Variants in RELB observed in about 807,000 individuals in gnomAD.
RELB encodes the protein RELB proto-oncogene, NF-kB subunit.
Under a neutral mutation model 55.4 loss-of-function variants are expected in RELB, and 14 were observed. That is an observed-to-expected ratio of 0.25 (90% CI 0.17 to 0.40). RELB has a LOEUF of 0.40. RELB is among the 10% of genes least tolerant of loss of function. RELB has a pLI of 1.00. For synonymous variants in RELB, 409 were observed against 371.3 expected (o/e 1.10, Z -1.17); for missense variants, 669 against 830.7 (o/e 0.81, Z 2.39).
intron 5 of RELB, among the ~76,000 whole-genome samples, 166 bp downstream of exon 5, chr19:45,022,376 C>T (rs1296911825): frequency 6.6e-6 from 1 of 152,144 alleles, no homozygotes; most frequent in Non-Finnish European, 1.5e-5. Context: ...CTCACTTAGG[C>T]CTGGAGCCTT....
rs1413014699 is a variant in RELB, at chr19:45,037,865, A to G, written c.*75A>G. The G allele has an allele frequency of 2.2e-6, 3 of 1,385,996 alleles. No homozygotes were observed. The highest frequency in any genetic ancestry group is 1.5e-5 in the African/African-American group (1 of 66,820). 85.9% of individuals were successfully genotyped at this position (1,385,996 alleles called of 1,614,324 possible). A position where few individuals can be genotyped will look rare whatever the true frequency, so the allele number is the denominator to read the frequency against. ...CCGTGCAATCCCAACCAGGATGTCT[A>G]GCACCCCCATCCCCTTGGCCCTTCC... On this transcript the variant is annotated 3_prime_UTR_variant, in exon 12 of 12. Coordinates refer to ENST00000221452, the MANE Select transcript of RELB (RefSeq NM_006509.4).
At chr19:45,007,510 A>G (rs527995541) in intron 2 of RELB, among the ~76,000 whole-genome samples, 2 of 152,274 alleles carry the variant, frequency 1.3e-5, no homozygotes, top group African/African-American at 4.8e-5. Flanking sequence ...ACAGCCAGTG[A>G]GTAACAGCTG....
intron 8 of RELB, among the ~76,000 whole-genome samples, chr19:45,031,176 G>A (rs1016903214): frequency 6.6e-6 from 1 of 152,026 alleles, no homozygotes; most frequent in African/African-American, 2.4e-5. Flanking sequence ...GTTGTGTGAT[G>A]TCTCAACACT....
intron 8 of RELB, 85 bp downstream of exon 8, chr19:45,029,077 A>T: frequency 1.1e-6 from 1 of 922,406 alleles, no homozygotes; most frequent in Non-Finnish European, 1.7e-6. Flanking sequence ...AGATGAAAGG[A>T]TGAGAAAGAG....
chr19:45,027,232 CA>C lies in RELB; in HGVS notation c.886+1510del, dbSNP rs34018517. 2.2e-3 allele frequency among the ~76,000 whole-genome samples: 273 copies of C among 125,292 alleles called. 3 individuals are homozygous for C. The highest frequency in any genetic ancestry group is 7.4e-3 in the African/African-American group (224 of 30,448). The allele number at this position is 125,292 out of a possible 152,430, so 82.2% of individuals were successfully genotyped here. A position where few individuals can be genotyped will look rare whatever the true frequency, so the allele number is the denominator to read the frequency against. On this transcript the variant is annotated intron_variant, in intron 7 of 11. Transcript: ENST00000221452. ...CGGGCAACAGAGCGAGACTCCTTCT[CA>C]AAAAAAAAAAAAAAGAATCCTTACT... is the stretch of plus-strand genomic sequence containing the variant.
At chr19:45,003,915 G>GTTTTTTTTTTTTTTTTTTT (rs1039624578) in intron 2 of RELB, among the ~76,000 whole-genome samples, 4 of 63,574 alleles carry the variant, frequency 6.3e-5, no homozygotes, top group Non-Finnish European at 8.4e-5. Context: ...TGTTTTTTGT[G>GTTTTTTTTTTTTTTTTTTT]TTTTTTTTTT....
intron 11 of RELB, among the ~76,000 whole-genome samples, chr19:45,036,254 G>A (rs1971684956): frequency 6.6e-6 from 1 of 152,038 alleles, no homozygotes; most frequent in Non-Finnish European, 1.5e-5. Flanking sequence ...TGTATTTTTG[G>A]GAGAGAAGGG....
Position 45,012,218 on chromosome 19 carries a change from C to T in RELB, c.446C>T (p.Ala149Val). ...RFRYECEGRS[A>V]GSILGESSTE... ...CGCTACGAGTGCGAGGGCCGCTCGG[C>T]CGGCAGCATCCTTGGGGAGAGCAGC... Residue 149 changes from alanine (A) to valine (V), a missense_variant, in exon 4 of 12, where the codon GCC (alanine) becomes GTC (valine). By Grantham distance (64) the Ala-to-Val change is moderately conservative. Around this residue, in one of 3 missense-constraint regions of RELB, gnomAD observed 323 missense variants for 368.5 expected, o/e 0.88. Coordinates refer to ENST00000221452, the MANE Select transcript of RELB (RefSeq NM_006509.4). The T allele has an allele frequency of 1.3e-6, 2 of 1,493,504 alleles. No individual in the cohort carries two copies. The highest frequency in any genetic ancestry group is 2.5e-5 in the Admixed American group (1 of 40,034). The allele number at this position is 1,493,504 out of a possible 1,614,324, so 92.5% of individuals were successfully genotyped here.
chr19:45,023,160 T>A (rs1229972691), intron 5 of RELB, among the ~76,000 whole-genome samples: 2 of 152,168 alleles, frequency 1.3e-5, no homozygotes, highest in Admixed American at 6.6e-5. Context: ...TTCCCTGCTG[T>A]ATTCCGAGTG....
At chr19:45,011,756 CTGTGTG>C (rs199579874) in intron 3 of RELB, among the ~76,000 whole-genome samples, 174 bp from the exon 4 acceptor site, 5 of 59,898 alleles carry the variant, frequency 8.3e-5, no homozygotes, top group Admixed American at 2.5e-4. Context: ...CTCCCTGACT[CTGTGTG>C]TGTGTGTGTG....
At chr19:45,007,422 G>A (rs529236338) in intron 2 of RELB, among the ~76,000 whole-genome samples, 113 of 152,208 alleles carry the variant, frequency 7.4e-4, no homozygotes, top group Non-Finnish European at 1.3e-3. Context: ...GAATCCTCAT[G>A]TTAGTTCCTG....
At position 45,033,057 on chromosome 19, in the gene RELB, AC is replaced by A. The variant is rs536517130; in HGVS notation, c.1207+310del. Reference sequence around the variant, plus strand: ...CGGTATTGCTAGAGACACAGCAGTGACCAGCACGGCCCCTAGCTGTGTCCTC... The same window carrying A: ...CGGTATTGCTAGAGACACAGCAGTGACAGCACGGCCCCTAGCTGTGTCCTC... On this transcript the variant is annotated intron_variant, in intron 9 of 11. Transcript: ENST00000221452. Among the ~76,000 whole-genome samples the A allele has an allele frequency of 1.1e-4, 16 of 152,264 alleles. No individual in the cohort carries two copies. The South Asian group carries it at 3.3e-3, about 32-fold the overall frequency.
chr19:45,003,059 C>T, intron 2 of RELB, 63 bp downstream of exon 2: 2 of 1,492,448 alleles, frequency 1.3e-6, no homozygotes, highest in South Asian at 1.2e-5. Flanking sequence ...GAGGACTCCA[C>T]AGAGATGTCT....
chr19:45,014,030 A>G (rs138456234), intron 4 of RELB, among the ~76,000 whole-genome samples: 1 of 152,108 alleles, frequency 6.6e-6, no homozygotes, highest in Non-Finnish European at 1.5e-5. Context: ...CCTCCAGCTA[A>G]TGTGGTGACT....
Position 45,037,637 on chromosome 19 carries a change from C to T in RELB, c.1587C>T (p.Pro529=), listed in dbSNP as rs770384014. The change falls in exon 12 of 12, where the codon CCC becomes CCT. Residue 529 remains proline (P), a synonymous_variant. Coordinates refer to ENST00000221452, the MANE Select transcript of RELB (RefSeq NM_006509.4). ...CCGGGGCCGTGGTTGGGGAGACCCC[C>T]GGCCCTGAACCACTGACACTGGACT... ...GGAGAVVGET[P]GPEPLTLDSY... 5.0e-6 allele frequency: 8 copies of T among 1,599,498 alleles called. No individual in the cohort carries two copies. The highest frequency in any genetic ancestry group is 4.6e-5 in the East Asian group (2 of 43,622).
intron 8 of RELB, 51 bp from the exon 9 acceptor site, chr19:45,032,483 C>T (rs1971635856): frequency 6.8e-7 from 1 of 1,464,614 alleles, no homozygotes. Context: ...AAGTTGGGAG[C>T]ACAGTGGTCC....
chr19:45,011,514 T>C (rs1445569915), intron 3 of RELB, among the ~76,000 whole-genome samples: 1 of 152,004 alleles, frequency 6.6e-6, no homozygotes, highest in East Asian at 1.9e-4. Context: ...TGGCGTGCAG[T>C]GTCACGATCT....
At chr19:45,018,518 G>T (rs1416070625) in intron 4 of RELB, among the ~76,000 whole-genome samples, 2 of 151,112 alleles carry the variant, frequency 1.3e-5, no homozygotes, top group Non-Finnish European at 3.0e-5. Flanking sequence ...GGAGGCAGGG[G>T]TTGCAGTGAG....
chr19:45,008,000 C>A (rs1407227961), intron 2 of RELB, among the ~76,000 whole-genome samples: 380 of 62,818 alleles, frequency 6.0e-3, no homozygotes, highest in South Asian at 0.016. Context: ...GCTAAAAATA[C>A]AAAAAAAAAA....
Sources: allele counts gnomAD v4.1 joint callset (sites outside exome capture counted in the v4.1 genomes callset), GRCh38; gene constraint gnomAD v4.1.1; regional missense constraint gnomAD v4.1.1; transcripts MANE v1.5; gene names NCBI Gene and HGNC (gene_info 2026-07-23, HGNC 2026-07-21).